TRHDE: variants seen among roughly 807,000 people sequenced by gnomAD.
TRHDE encodes thyrotropin releasing hormone degrading enzyme.
TRHDE carries 72 observed loss-of-function variants against 125.7 expected under a neutral mutation model. The observed-to-expected ratio is 0.57, with a 90% confidence interval of 0.47 to 0.70. The LOEUF is 0.70. Ranked by LOEUF, TRHDE falls within the 30% of genes least tolerant of loss-of-function variation. TRHDE has a pLI of 0.00. For missense variants in TRHDE, 1,110 were observed against 1,327.1 expected (o/e 0.84, Z 2.54); for synonymous variants, 509 against 509.1 (o/e 1.00, Z 0.00).
intron 2 of TRHDE, among the ~76,000 whole-genome samples, chr12:72,159,927 A>C (rs1876599030): frequency 6.6e-6 from 1 of 150,980 alleles, no homozygotes; most frequent in Non-Finnish European, 1.5e-5. Context: ...CTCATCTTAC[A>C]TCTCTCATTT....
At chr12:72,113,164 C>T (rs1449962444) in intron 2 of TRHDE, among the ~76,000 whole-genome samples, 1 of 152,014 alleles carries the variant, frequency 6.6e-6, no homozygotes, top group African/African-American at 2.4e-5. Flanking sequence ...ACTACAGGTG[C>T]ACATCACCAT....
chr12:72,660,098 A>G (rs1874858955), intron 18 of TRHDE, among the ~76,000 whole-genome samples: 1 of 152,148 alleles, frequency 6.6e-6, no homozygotes, highest in Admixed American at 6.6e-5. Flanking sequence ...TCACATGATC[A>G]TGGGACAGGG....
intron 1 of TRHDE, among the ~76,000 whole-genome samples, chr12:72,104,868 G>T (rs1346985216): frequency 6.6e-6 from 1 of 152,178 alleles, no homozygotes; most frequent in Non-Finnish European, 1.5e-5. Flanking sequence ...GAACCAAGAA[G>T]TAGAGCATCC....
chr12:72,210,123 G>A (rs572673161), intron 2 of TRHDE, among the ~76,000 whole-genome samples: 5 of 152,156 alleles, frequency 3.3e-5, no homozygotes, highest in Non-Finnish European at 4.4e-5. Flanking sequence ...TTTTAAATAT[G>A]AGCTTTGTAA....
At chr12:72,595,239 T>C (rs1176840315) in intron 12 of TRHDE, among the ~76,000 whole-genome samples, 1 of 146,630 alleles carries the variant, frequency 6.8e-6, no homozygotes, top group Non-Finnish European at 1.5e-5. Flanking sequence ...ATTGTGCACA[T>C]GTACCCTAAA....
chr12:72,614,437 C>T (rs1258065139), intron 12 of TRHDE, among the ~76,000 whole-genome samples: 2 of 149,786 alleles, frequency 1.3e-5, no homozygotes, highest in Non-Finnish European at 3.0e-5. Context: ...ATTGGGATTT[C>T]CAATCTGTAC....
chr12:72,634,486 CT>C (rs982351523), intron 15 of TRHDE, among the ~76,000 whole-genome samples: 17 of 148,884 alleles, frequency 1.1e-4, no homozygotes, highest in South Asian at 4.2e-4. Context: ...GGGAAAACAT[CT>C]TTTTTTTTAA....
chr12:72,573,992 A>G (rs933437508), intron 10 of TRHDE, among the ~76,000 whole-genome samples: 1 of 152,000 alleles, frequency 6.6e-6, no homozygotes, highest in Non-Finnish European at 1.5e-5. Flanking sequence ...GTAGAAGTAC[A>G]TTCTATTTTA....
intron 3 of TRHDE, among the ~76,000 whole-genome samples, chr12:72,399,733 CTTG>C (rs1328762936): frequency 2.0e-5 from 3 of 151,942 alleles, no homozygotes; most frequent in East Asian, 1.9e-4. Flanking sequence ...AGTTAAAAAT[CTTG>C]TTGTTTTTTT....
At chr12:72,660,546 G>T (rs934409449) in intron 18 of TRHDE, among the ~76,000 whole-genome samples, 2 of 152,132 alleles carry the variant, frequency 1.3e-5, no homozygotes, top group African/African-American at 4.8e-5. Context: ...TTGCCTTCTA[G>T]GTCACTTCTC....
At chr12:72,360,592 G>A (rs1438774384) in intron 2 of TRHDE, among the ~76,000 whole-genome samples, 2 of 151,784 alleles carry the variant, frequency 1.3e-5, no homozygotes, top group Non-Finnish European at 2.9e-5. Flanking sequence ...GAATTTTGGT[G>A]AGGATGTGGG....
chr12:72,464,147 C>G (rs1014253013), intron 3 of TRHDE, among the ~76,000 whole-genome samples: 1 of 152,142 alleles, frequency 6.6e-6, no homozygotes, highest in African/African-American at 2.4e-5. Context: ...CAGCCTACTA[C>G]AAGATGCTTA....
chr12:72,155,722 C>A (rs1876488159), intron 2 of TRHDE, among the ~76,000 whole-genome samples: 1 of 152,200 alleles, frequency 6.6e-6, no homozygotes, highest in Admixed American at 6.5e-5. Flanking sequence ...TGGTGAACAG[C>A]AAACGTTGCT....
intron 3 of TRHDE, among the ~76,000 whole-genome samples, chr12:72,427,380 T>G (rs1405790301): frequency 6.6e-6 from 1 of 152,138 alleles, no homozygotes; most frequent in Non-Finnish European, 1.5e-5. Context: ...CCTCTTCAGC[T>G]TCTGGGTAGG....
intron 1 of TRHDE, among the ~76,000 whole-genome samples, chr12:72,100,468 A>C (rs1875040263): frequency 6.6e-6 from 1 of 152,198 alleles, no homozygotes; most frequent in African/African-American, 2.4e-5. Flanking sequence ...TTTTGTTACC[A>C]TTAATAAATG....
At chr12:72,282,331 A>G (rs182714945) in intron 1 of TRHDE, among the ~76,000 whole-genome samples, 5 of 152,192 alleles carry the variant, frequency 3.3e-5, no homozygotes, top group Non-Finnish European at 7.4e-5. Context: ...TTACCACCTC[A>G]AACTCACCAC....
intron 1 of TRHDE, among the ~76,000 whole-genome samples, chr12:72,096,768 AG>A (rs1874932709): frequency 6.6e-6 from 1 of 152,216 alleles, no homozygotes; most frequent in African/African-American, 2.4e-5. Context: ...AAAAAGCCTG[AG>A]GAAAGATCTG....
chr12:72,491,463 GAAT>G lies in TRHDE; in HGVS notation c.1585-8025_1585-8023del, dbSNP rs372219306. Among the ~76,000 whole-genome samples, 178 of 152,002 alleles carry G rather than the reference GAAT, an allele frequency of 1.2e-3. 2 individuals carry two copies. Among genetic ancestry groups the G allele is most frequent in the African/African-American group, 4.2e-3 (173 of 41,520 alleles). On this transcript the variant is annotated intron_variant, in intron 5 of 18. Transcript: ENST00000261180. ...TTTAAGGTTCTTGAGTAAGTCTGCA[GAAT>G]AATAATAATTTGGTTGTATATCATT...
In TRHDE at chr12:72,238,281, TATATATATATA is replaced by T. The variant is rs1565669802; in HGVS notation, n.279+132530_279+132540del. 6.9e-3 allele frequency among the ~76,000 whole-genome samples: 102 copies of T among 14,796 alleles called. 2 individuals carry two copies. Among genetic ancestry groups the T allele is most frequent in the African/African-American group, 0.028 (90 of 3,160 alleles). The allele number at this position is 14,796 out of a possible 152,430, so 9.7% of individuals were successfully genotyped here. A position where few individuals can be genotyped will look rare whatever the true frequency, so the allele number is the denominator to read the frequency against. Reference sequence around the variant, plus strand: ...CAGAAGTGGTCAGATCCTTAATATATATATATATATATATATATATATATATATATATATAT... The same window carrying T: ...CAGAAGTGGTCAGATCCTTAATATATTATATATATATATATATATATATAT... On this transcript the variant is annotated intron_variant and non_coding_transcript_variant, in intron 2 of 4. Coordinates refer to the TRHDE transcript ENST00000548156.
Sources: allele counts gnomAD v4.1 joint callset (sites outside exome capture counted in the v4.1 genomes callset), GRCh38; gene constraint gnomAD v4.1.1; transcripts MANE v1.5; gene names NCBI Gene and HGNC (gene_info 2026-07-23, HGNC 2026-07-21).